PDE3B: variants seen among roughly 807,000 people sequenced by gnomAD.
PDE3B encodes phosphodiesterase 3B.
Under a neutral mutation model 116.8 loss-of-function variants are expected in PDE3B, and 66 were observed. That is an observed-to-expected ratio of 0.56 (90% CI 0.46 to 0.69). The LOEUF is 0.69. Ranked by LOEUF, PDE3B falls within the 30% of genes least tolerant of loss-of-function variation. PDE3B has a pLI of 0.00. For synonymous variants in PDE3B, 595 were observed against 533.6 expected (o/e 1.12, Z -1.59); for missense variants, 1,384 against 1,368.1 (o/e 1.01, Z -0.18).
chr11:14,842,423 T>C (rs1590186535), intron 11 of PDE3B, among the ~76,000 whole-genome samples: 1 of 152,342 alleles, frequency 6.6e-6, no homozygotes, highest in East Asian at 1.9e-4. Flanking sequence ...AAATATATTT[T>C]AAAATTGTAG....
Position 14,717,557 on chromosome 11 carries a change from C to T in PDE3B, c.979-54380C>T, listed in dbSNP as rs905036425. On this transcript the variant is annotated intron_variant, in intron 1 of 15. Transcript: ENST00000282096. Reference sequence around the variant, plus strand: ...TACCCTCAAAGGGAAGCCCATCAGACTAACAGCGGATCTCTCGGTAGAAAC... The same window carrying T: ...TACCCTCAAAGGGAAGCCCATCAGATTAACAGCGGATCTCTCGGTAGAAAC... 3.1e-4 allele frequency among the ~76,000 whole-genome samples: 23 copies of T among 74,890 alleles called. 9 individuals carry two copies. Among genetic ancestry groups the T allele is most frequent in the African/African-American group, 4.0e-4 (7 of 17,550 alleles). 49.1% of individuals were successfully genotyped at this position (74,890 alleles called of 152,430 possible).
At chr11:14,879,302 T>C in the PDE3B span, 39 of 1,613,206 alleles carry the variant, frequency 2.4e-5, no homozygotes, top group Middle Eastern at 6.6e-4. Flanking sequence ...AGAGGTTGCA[T>C]GGAAAATCCC....
chr11:14,897,116 A>G, the PDE3B span, among the ~76,000 whole-genome samples: 1 of 152,252 alleles, frequency 6.6e-6, no homozygotes, highest in Admixed American at 6.5e-5. Flanking sequence ...TCATGTTCTC[A>G]TTAAATGAAC....
chr11:14,803,943 G>C lies in PDE3B; in HGVS notation c.1416-1G>C. 1.3e-6 allele frequency: 2 copies of C among 1,565,074 alleles called. No homozygotes were observed. Among genetic ancestry groups the C allele is most frequent in the Non-Finnish European group, 1.8e-6 (2 of 1,136,414 alleles). The stretch of plus-strand genomic sequence containing the variant: ...TTTAACCTGTTATTTTTCCCTTTTA[G>C]TCAAGGATGCTATCTAAATGGGCCT... On this transcript the variant is annotated splice_acceptor_variant, in intron 4 of 15. Coordinates refer to ENST00000282096, the MANE Select transcript of PDE3B (RefSeq NM_000922.4). LOFTEE classifies it high-confidence loss of function.
chr11:14,829,774 T>G (rs1365551944), intron 7 of PDE3B, among the ~76,000 whole-genome samples: 1 of 152,082 alleles, frequency 6.6e-6, no homozygotes, highest in Non-Finnish European at 1.5e-5. Flanking sequence ...TGAAATAATC[T>G]GTACAACAAA....
At chr11:14,741,984 T>G (rs1338247068) in intron 1 of PDE3B, among the ~76,000 whole-genome samples, 1 of 152,162 alleles carries the variant, frequency 6.6e-6, no homozygotes, top group Non-Finnish European at 1.5e-5. Flanking sequence ...GGCTTCCCTT[T>G]GTGAGTAACC....
intron 11 of PDE3B, among the ~76,000 whole-genome samples, chr11:14,840,090 A>G (rs1860175397): frequency 6.6e-6 from 1 of 152,232 alleles, no homozygotes; most frequent in Non-Finnish European, 1.5e-5. Context: ...GAGCAAGAGA[A>G]GCATGTGAAG....
At chr11:14,843,790 C>T in intron 11 of PDE3B, 37 bp from the exon 12 acceptor site, 1 of 1,507,730 alleles carries the variant, frequency 6.6e-7, no homozygotes, top group South Asian at 1.1e-5. Context: ...AATTTATGTG[C>T]TAATGCTGGT....
chr11:14,666,263 A>T (rs1343437790), intron 1 of PDE3B, among the ~76,000 whole-genome samples: 1 of 147,992 alleles, frequency 6.8e-6, no homozygotes, highest in Non-Finnish European at 1.5e-5. Flanking sequence ...CCTTCCTTAC[A>T]CCTTATACAA....
In PDE3B at chr11:14,861,313, C is replaced by G; in HGVS notation, c.2833C>G (p.Arg945Gly). The G allele has an allele frequency of 6.2e-7, 1 of 1,613,716 alleles. No homozygotes were observed. The highest frequency in any genetic ancestry group is 1.3e-5 in the African/African-American group (1 of 74,990). ...AGATATAAATGGCCCAGCAAAAGTT[C>G]GAGACTTGCATTTGAAATGGACAGA... ...LADINGPAKVRDLHLKWTEGI... is the reference protein window; with the variant it reads ...LADINGPAKVGDLHLKWTEGI... Residue 945 changes from arginine (R) to glycine (G), a missense_variant, in exon 14 of 16, where the codon CGA (arginine) becomes GGA (glycine). Arg to Gly is a moderately radical substitution (Grantham distance 125). Coordinates refer to ENST00000282096, the MANE Select transcript of PDE3B (RefSeq NM_000922.4).
chr11:14,751,253 G>A (rs1311369453), intron 1 of PDE3B, among the ~76,000 whole-genome samples: 1 of 152,090 alleles, frequency 6.6e-6, no homozygotes, highest in African/African-American at 2.4e-5. Context: ...ATTTTGTAGT[G>A]TTGCACTTGC....
chr11:14,666,743 C>T (rs1453451994), intron 1 of PDE3B, among the ~76,000 whole-genome samples: 1 of 151,944 alleles, frequency 6.6e-6, no homozygotes, highest in Non-Finnish European at 1.5e-5. Flanking sequence ...GATACCATCT[C>T]ACACCAGTTA....
At position 14,867,706 on chromosome 11, in the gene PDE3B, C is replaced by T. The variant is rs372673724; in HGVS notation, c.3087C>T (p.Asp1029=). 18 of 1,612,446 alleles carry T rather than the reference C, an allele frequency of 1.1e-5. No homozygotes were observed. The highest frequency in any genetic ancestry group is 7.7e-5 in the South Asian group (7 of 91,042). ...ATACTGAAAGTGGTGATGATGAAGA[C>T]GGTGAAGAATTAGATACAGAAGATG... ...DNDTESGDDE[D]GEELDTEDEE... Residue 1029 remains aspartate, a synonymous_variant, in exon 15 of 16, where the codon GAC becomes GAT. Coordinates refer to ENST00000282096, the MANE Select transcript of PDE3B (RefSeq NM_000922.4).
chr11:14,782,434 A>G (rs1170095368), intron 2 of PDE3B, among the ~76,000 whole-genome samples: 1 of 152,238 alleles, frequency 6.6e-6, no homozygotes, highest in African/African-American at 2.4e-5. Context: ...GGAACAGAAC[A>G]GAGTCCTCAG....
intron 1 of PDE3B, among the ~76,000 whole-genome samples, chr11:14,733,935 T>C (rs566536372): frequency 1.3e-5 from 2 of 152,330 alleles, no homozygotes; most frequent in African/African-American, 4.8e-5. Flanking sequence ...GAACACTTTA[T>C]TGAAAATTGA....
At chr11:14,757,713 A>G (rs530549972) in intron 1 of PDE3B, among the ~76,000 whole-genome samples, 5 of 145,158 alleles carry the variant, frequency 3.4e-5, no homozygotes, top group South Asian at 2.3e-4. Flanking sequence ...GCCCTTTTTC[A>G]GATGAGTAGG....
intron 7 of PDE3B, among the ~76,000 whole-genome samples, chr11:14,824,147 C>A (rs1313531991): frequency 6.6e-6 from 1 of 152,184 alleles, no homozygotes; most frequent in Non-Finnish European, 1.5e-5. Context: ...CTGTCCCTGT[C>A]AGACCACATC....
intron 1 of PDE3B, among the ~76,000 whole-genome samples, chr11:14,683,011 C>T (rs370225804): frequency 7.9e-4 from 119 of 151,240 alleles, no homozygotes; most frequent in African/African-American, 2.6e-3. Context: ...GATCTCAGCT[C>T]ACCACAACCT....
chr11:14,808,431 C>T (rs578034240), intron 5 of PDE3B, among the ~76,000 whole-genome samples: 2 of 152,202 alleles, frequency 1.3e-5, no homozygotes, highest in Non-Finnish European at 2.9e-5. Flanking sequence ...CCAAGGAAAA[C>T]GTAACCCATA....
Sources: gnomAD v4.1 joint callset for allele counts (sites outside exome capture counted in the v4.1 genomes callset) on GRCh38, gnomAD v4.1.1 for gene constraint, MANE v1.5 for transcripts, NCBI Gene and HGNC (gene_info 2026-07-23, HGNC 2026-07-21) for gene names.